Variants in MYO1D observed in about 807,000 individuals in gnomAD.
MYO1D encodes myosin ID.
Under a neutral mutation model 122.0 loss-of-function variants are expected in MYO1D, and 83 were observed. The ratio of observed to expected loss-of-function variants is 0.68; its 90% CI spans 0.57 to 0.82. MYO1D has a LOEUF of 0.82. Ranked by LOEUF, MYO1D falls within the 40% of genes least tolerant of loss-of-function variation. MYO1D has a pLI of 0.00. For synonymous variants in MYO1D, 464 were observed against 446.9 expected (o/e 1.04, Z -0.48); for missense variants, 1,157 against 1,269.5 (o/e 0.91, Z 1.35).
At chr17:32,571,326 G>A (rs1286711025) in intron 21 of MYO1D, among the ~76,000 whole-genome samples, 1 of 151,990 alleles carries the variant, frequency 6.6e-6, no homozygotes, top group African/African-American at 2.4e-5. Context: ...TTTAACCCTG[G>A]CAACCCCGCC....
chr17:32,763,736 A>G (rs999007235), intron 8 of MYO1D, among the ~76,000 whole-genome samples: 7 of 152,164 alleles, frequency 4.6e-5, no homozygotes, highest in Admixed American at 2.6e-4. Flanking sequence ...CCTGGTCAAC[A>G]TGGTGAAACC....
At chr17:32,857,380 T>G (rs111386923) in intron 1 of MYO1D, among the ~76,000 whole-genome samples, 11 of 152,164 alleles carry the variant, frequency 7.2e-5, no homozygotes, top group African/African-American at 2.6e-4. Flanking sequence ...GGTCAAGAGA[T>G]AGAGACCATC....
chr17:32,496,635 G>C (rs1040112005), intron 21 of MYO1D, among the ~76,000 whole-genome samples: 1 of 152,154 alleles, frequency 6.6e-6, no homozygotes. Flanking sequence ...TGGTCCCTGA[G>C]CTGGGGTGGC....
Position 32,654,478 on chromosome 17 carries a change from G to A in MYO1D, c.2489C>T (p.Ser830Leu), listed in dbSNP as rs1460683062. ...QRAWEGNYLA[S>L]KPDTPQTSGT... is the part of the protein sequence containing the mutation. ...TTCACTTTGTTCCCTTGGACTTACT[G>A]AAGCAAGATAGTTGCCCTCCCAGGC... Residue 830 changes from serine to leucine, a missense_variant and splice_region_variant, in exon 18 of 22, where the codon TCA becomes TTA. By Grantham distance (145) the Ser-to-Leu change is moderately radical. Coordinates refer to ENST00000318217, the MANE Select transcript of MYO1D (RefSeq NM_015194.3). 11 of 1,609,904 alleles carry A rather than the reference G, an allele frequency of 6.8e-6. No homozygotes were observed. Among genetic ancestry groups the A allele is most frequent in the Non-Finnish European group, 9.3e-6 (11 of 1,178,468 alleles).
intron 11 of MYO1D, among the ~76,000 whole-genome samples, chr17:32,752,904 A>ATTTT (rs1201550329): frequency 6.6e-6 from 1 of 152,166 alleles, no homozygotes; most frequent in African/African-American, 2.4e-5. Context: ...AGTTCTAAAA[A>ATTTT]TAGAACTACC....
rs569542019 is a variant in MYO1D at position 32,535,413 on chromosome 17, C to T, written c.2865-40498G>A. The stretch of plus-strand genomic sequence containing the variant: ...CTTTTTGAAACATAGGCTTCAATCT[C>T]TTTGAAGAGAGATTCAATACATTTG... On this transcript the variant is annotated intron_variant, in intron 21 of 21. Coordinates refer to ENST00000318217, the MANE Select transcript of MYO1D (RefSeq NM_015194.3). Among the ~76,000 whole-genome samples the T allele has an allele frequency of 1.2e-4, 18 of 152,326 alleles. 2 individuals are homozygous for T. In the South Asian group the frequency reaches 3.7e-3, roughly 32 times the overall value.
At chr17:32,767,496 C>T in intron 7 of MYO1D, 140 bp downstream of exon 7, 1 of 553,310 alleles carries the variant, frequency 1.8e-6, no homozygotes, top group South Asian at 2.9e-5. Context: ...GCAAGAACCA[C>T]AGACATAGTA....
intron 17 of MYO1D, among the ~76,000 whole-genome samples, chr17:32,655,289 GGC>G (rs2088460302): frequency 6.6e-6 from 1 of 152,162 alleles, no homozygotes; most frequent in African/African-American, 2.4e-5. Context: ...AGGCAGTGGG[GGC>G]ACAGTAATAA....
chr17:32,699,099 G>C (rs2089212400), intron 16 of MYO1D, among the ~76,000 whole-genome samples: 2 of 151,908 alleles, frequency 1.3e-5, no homozygotes, highest in Non-Finnish European at 2.9e-5. Context: ...TGAATAGCTG[G>C]GATTACAGGT....
intron 21 of MYO1D, among the ~76,000 whole-genome samples, chr17:32,550,005 C>T (rs986272253): frequency 2.0e-5 from 3 of 151,978 alleles, no homozygotes; most frequent in South Asian, 2.1e-4. Flanking sequence ...GAATACTTAA[C>T]GGAATGAAAA....
At chr17:32,650,472 A>T (rs1394636143) in intron 19 of MYO1D, among the ~76,000 whole-genome samples, 1 of 152,136 alleles carries the variant, frequency 6.6e-6, no homozygotes, top group Admixed American at 6.5e-5. Flanking sequence ...CTGTTATTTT[A>T]AAAAATATTA....
At chr17:32,593,874 T>G (rs1335672569) in intron 21 of MYO1D, among the ~76,000 whole-genome samples, 4 of 152,174 alleles carry the variant, frequency 2.6e-5, no homozygotes, top group African/African-American at 9.7e-5. Flanking sequence ...CAGGCAGAGG[T>G]TGCAGTGAGC....
chr17:32,720,000 T>C (rs2089492037), intron 15 of MYO1D, among the ~76,000 whole-genome samples: 1 of 152,208 alleles, frequency 6.6e-6, no homozygotes, highest in Admixed American at 6.5e-5. Context: ...GGCTGGCTGC[T>C]TCCTGTCATT....
chr17:32,793,684 C>T (rs1026090280), intron 1 of MYO1D, among the ~76,000 whole-genome samples: 4 of 152,206 alleles, frequency 2.6e-5, no homozygotes, highest in Non-Finnish European at 5.9e-5. Flanking sequence ...CACAGCCCAT[C>T]AGTGCAGCAT....
chr17:32,715,062 A>G (rs192912764), intron 15 of MYO1D, among the ~76,000 whole-genome samples: 1 of 152,358 alleles, frequency 6.6e-6, no homozygotes, highest in Non-Finnish European at 1.5e-5. Flanking sequence ...TATGAAAAAT[A>G]GCTCAACATC....
chr17:32,774,890 G>A (rs868453503), intron 4 of MYO1D, among the ~76,000 whole-genome samples: 2 of 152,152 alleles, frequency 1.3e-5, no homozygotes, highest in African/African-American at 2.4e-5. Flanking sequence ...AAAACCTGTC[G>A]GCTTAGATCT....
intron 1 of MYO1D, among the ~76,000 whole-genome samples, chr17:32,814,317 C>T (rs2090596305): frequency 6.6e-6 from 1 of 152,202 alleles, no homozygotes; most frequent in Non-Finnish European, 1.5e-5. Context: ...GCACTCCAGC[C>T]TGGCGACAGA....
At chr17:32,716,102 T>A (rs1015792792) in intron 15 of MYO1D, among the ~76,000 whole-genome samples, 1 of 152,210 alleles carries the variant, frequency 6.6e-6, no homozygotes, top group African/African-American at 2.4e-5. Context: ...TTCCTCACTA[T>A]CCATCAATCA....
At chr17:32,543,622 T>A (rs572890641) in intron 21 of MYO1D, among the ~76,000 whole-genome samples, 4 of 151,712 alleles carry the variant, frequency 2.6e-5, no homozygotes, top group African/African-American at 7.3e-5. Context: ...TAAAAATAAA[T>A]AAATAAATAA....
Sources: allele counts gnomAD v4.1 joint callset (sites outside exome capture counted in the v4.1 genomes callset), GRCh38; gene constraint gnomAD v4.1.1; transcripts MANE v1.5; gene names NCBI Gene and HGNC (gene_info 2026-07-23, HGNC 2026-07-21).